Variants in RSU1 observed in about 807,000 individuals in gnomAD.
The protein encoded by RSU1 is Ras suppressor protein 1.
Under a neutral mutation model 31.1 loss-of-function variants are expected in RSU1, and 26 were observed. That is an observed-to-expected ratio of 0.84 (90% CI 0.61 to 1.16). The LOEUF (loss-of-function observed/expected upper bound fraction) is 1.16, where lower values mean the gene tolerates loss of function less well. RSU1 is among the 50% of genes most tolerant of loss of function. RSU1 has a pLI of 0.00. For synonymous variants in RSU1, 164 were observed against 136.3 expected (o/e 1.20, Z -1.41); for missense variants, 320 against 339.1 (o/e 0.94, Z 0.44).
At chr10:16,597,313 A>G (rs1040540367) in intron 8 of RSU1, among the ~76,000 whole-genome samples, 1 of 152,118 alleles carries the variant, frequency 6.6e-6, no homozygotes, top group Non-Finnish European at 1.5e-5. Context: ...AGCGAACTGG[A>G]ATGTTCCACT....
At chr10:16,694,093 G>A (rs1182673918) in intron 8 of RSU1, among the ~76,000 whole-genome samples, 4 of 152,102 alleles carry the variant, frequency 2.6e-5, no homozygotes, top group African/African-American at 4.8e-5. Flanking sequence ...ACAGAAGCAC[G>A]TGGAAGTGGC....
chr10:16,739,705 G>A (rs1204890455), intron 7 of RSU1, among the ~76,000 whole-genome samples: 3 of 151,772 alleles, frequency 2.0e-5, no homozygotes, highest in Admixed American at 6.6e-5. Flanking sequence ...TCCACTTCCT[G>A]GGTTCAAGCA....
rs184470774 is a variant in RSU1 at position 16,715,354 on chromosome 10, T to C, written c.599-20199A>G. Among the ~76,000 whole-genome samples, 151 of 152,358 alleles carry C rather than the reference T, an allele frequency of 9.9e-4. 1 individual carries two copies. Among genetic ancestry groups the C allele is most frequent in the Non-Finnish European group, 1.8e-3 (124 of 68,026 alleles). On this transcript the variant is annotated intron_variant, in intron 7 of 8. Transcript: ENST00000345264. ...TTTCTTTTGTTGTCTGTGCCTTTGG[T>C]GTCATAGCCAAGAAGTCATCTTAAA...
chr10:16,703,491 T>C (rs564985591), intron 7 of RSU1, among the ~76,000 whole-genome samples: 30 of 152,218 alleles, frequency 2.0e-4, no homozygotes, highest in Non-Finnish European at 3.2e-4. Context: ...GATTTATGAA[T>C]ACAGATTTTC....
intron 7 of RSU1, among the ~76,000 whole-genome samples, chr10:16,706,072 T>C (rs1835894538): frequency 6.6e-6 from 1 of 152,248 alleles, no homozygotes; most frequent in African/African-American, 2.4e-5. Flanking sequence ...ATTCACATTT[T>C]AGCTACTGTG....
intron 4 of RSU1, among the ~76,000 whole-genome samples, chr10:16,763,009 C>A (rs539990695): frequency 0.032 from 4,652 of 143,252 alleles, 246 homozygotes; most frequent in African/African-American, 0.12. Context: ...AAAAAAAAAA[C>A]AAAAACAAAA....
intron 7 of RSU1, among the ~76,000 whole-genome samples, chr10:16,723,359 C>A (rs1026382392): frequency 2.0e-5 from 3 of 152,128 alleles, no homozygotes; most frequent in African/African-American, 7.2e-5. Flanking sequence ...TAAAGAGATA[C>A]TGTTCCTTCT....
intron 7 of RSU1, among the ~76,000 whole-genome samples, chr10:16,696,095 G>A (rs943607105): frequency 2.0e-5 from 3 of 152,162 alleles, no homozygotes; most frequent in Admixed American, 2.0e-4. Context: ...CAGAGAAAGA[G>A]AAGTTAGGCA....
chr10:16,688,812 G>T (rs1375824814), intron 8 of RSU1, among the ~76,000 whole-genome samples: 1 of 151,928 alleles, frequency 6.6e-6, no homozygotes, highest in Admixed American at 6.6e-5. Flanking sequence ...AGTAGCTTGG[G>T]CAACATAGCA....
chr10:16,731,429 C>CA (rs61458512), intron 7 of RSU1, among the ~76,000 whole-genome samples: 20,856 of 95,344 alleles, frequency 0.22, 4,034 homozygotes, highest in African/African-American at 0.53. Flanking sequence ...CACTCCGTCT[C>CA]AAAAAAAAAA....
intron 8 of RSU1, among the ~76,000 whole-genome samples, chr10:16,617,502 G>T (rs922593731): frequency 2.0e-5 from 3 of 152,112 alleles, no homozygotes; most frequent in African/African-American, 7.2e-5. Context: ...CTTTCACATG[G>T]AACCAAAAAA....
At chr10:16,783,082 G>T (rs551673224) in intron 2 of RSU1, among the ~76,000 whole-genome samples, 1 of 151,322 alleles carries the variant, frequency 6.6e-6, no homozygotes, top group Non-Finnish European at 1.5e-5. Flanking sequence ...GGCTAATTTT[G>T]TATTTTTTGT....
At chr10:16,593,770 G>C (rs1833555567) in intron 8 of RSU1, among the ~76,000 whole-genome samples, 2 of 152,206 alleles carry the variant, frequency 1.3e-5, no homozygotes, top group Admixed American at 1.3e-4. Flanking sequence ...AGCCGTTCTG[G>C]ACTGAAGTTC....
chr10:16,736,035 T>A (rs1836617659), intron 7 of RSU1, among the ~76,000 whole-genome samples: 1 of 152,186 alleles, frequency 6.6e-6, no homozygotes, highest in Middle Eastern at 3.4e-3. Flanking sequence ...AACAATACAG[T>A]GGCAATGCTG....
chr10:16,697,522 G>A (rs1019235329), intron 7 of RSU1, among the ~76,000 whole-genome samples: 1 of 152,032 alleles, frequency 6.6e-6, no homozygotes, highest in African/African-American at 2.4e-5. Context: ...AAATTAGCCA[G>A]GCACAGTGGT....
intron 8 of RSU1, among the ~76,000 whole-genome samples, chr10:16,683,160 G>GGTGTGTGTGTGTGTGTATGTGTGTGTGT (rs1835367478): frequency 7.0e-6 from 1 of 143,352 alleles, no homozygotes; most frequent in Non-Finnish European, 1.5e-5. Flanking sequence ...ATGGGTGTGT[G>GGTGTGTGTGTGTGTGTATGTGTGTGTGT]GTGTGTGTGT....
chr10:16,769,113 C>G (rs924953116), intron 3 of RSU1, among the ~76,000 whole-genome samples: 31 of 152,232 alleles, frequency 2.0e-4, no homozygotes. Context: ...CACAAACTGT[C>G]TCCCCTCCAT....
intron 7 of RSU1, among the ~76,000 whole-genome samples, chr10:16,741,345 A>G (rs1257569138): frequency 6.6e-6 from 1 of 152,336 alleles, no homozygotes; most frequent in African/African-American, 2.4e-5. Context: ...TAAGAGCCAA[A>G]CTATAAAACC....
intron 4 of RSU1, among the ~76,000 whole-genome samples, chr10:16,755,814 C>T (rs1007397594): frequency 6.6e-6 from 1 of 152,180 alleles, no homozygotes; most frequent in Non-Finnish European, 1.5e-5. Context: ...TACTTTTTTA[C>T]ATTCCACATA....
Sources: allele counts gnomAD v4.1 joint callset (sites outside exome capture counted in the v4.1 genomes callset), GRCh38; gene constraint gnomAD v4.1.1; transcripts MANE v1.5; gene names NCBI Gene and HGNC (gene_info 2026-07-23, HGNC 2026-07-21).